The following PLEKHM2 variants were observed in gnomAD, a reference collection of about 807,000 sequenced individuals.
PLEKHM2 encodes pleckstrin homology and RUN domain containing M2.
In PLEKHM2, 77 loss-of-function variants were observed where a neutral mutation model predicts 116.3. The observed-to-expected ratio is 0.66, with a 90% CI of 0.55 to 0.80. The LOEUF is 0.80. Ranked by LOEUF, PLEKHM2 falls within the 30% of genes least tolerant of loss-of-function variation. The pLI is 0.00. For synonymous variants in PLEKHM2, 562 were observed against 571.0 expected (o/e 0.98, Z 0.22); for missense variants, 1,183 against 1,354.9 (o/e 0.87, Z 1.99).
intron 1 of PLEKHM2, among the ~76,000 whole-genome samples, chr1:15,695,126 C>T (rs1041983744): frequency 2.3e-4 from 35 of 152,166 alleles, no homozygotes; most frequent in Non-Finnish European, 5.9e-5. Flanking sequence ...TGCACAAATA[C>T]ATAAGGAAGA....
chr1:15,727,310 T>C lies in PLEKHM2; in HGVS notation c.1238T>C (p.Val413Ala), dbSNP rs2068077304. ...MERLGQPLSK[V>A]IDQLNGQLDP... ...CGCTTGGGGCAGCCCCTGAGCAAGGTTATCGACCAGCTCAACGGGCAGCTG... is the reference window on the plus strand; with the variant it reads ...CGCTTGGGGCAGCCCCTGAGCAAGGCTATCGACCAGCTCAACGGGCAGCTG... Residue 413 changes from valine to alanine, a missense_variant, in exon 9 of 20, where the codon GTT becomes GCT. By Grantham distance (64) the Val-to-Ala change is moderately conservative (BLOSUM62 0). Coordinates refer to ENST00000375799, the MANE Select transcript of PLEKHM2 (RefSeq NM_015164.4). The surrounding 1 kb of genome is among the most constrained non-coding windows in gnomAD (Gnocchi z 7.5). The C allele has an allele frequency of 6.2e-7, 1 of 1,603,086 alleles. No individual in the cohort carries two copies. Among genetic ancestry groups the C allele is most frequent in the Non-Finnish European group, 8.5e-7 (1 of 1,175,868 alleles).
chr1:15,709,182 G>A (rs1416753774), intron 1 of PLEKHM2, among the ~76,000 whole-genome samples: 1 of 152,176 alleles, frequency 6.6e-6, no homozygotes, highest in Non-Finnish European at 1.5e-5. Flanking sequence ...CCTAATTGTA[G>A]TGGGTATTAG....
At chr1:15,687,649 G>A (rs1380997424) in intron 1 of PLEKHM2, among the ~76,000 whole-genome samples, 2 of 152,178 alleles carry the variant, frequency 1.3e-5, no homozygotes, top group Non-Finnish European at 2.9e-5. Flanking sequence ...GTGTTTGTTT[G>A]AGACAACTGC....
intron 7 of PLEKHM2, 131 bp from the exon 8 acceptor site, chr1:15,725,186 G>A: frequency 4.6e-6 from 3 of 648,874 alleles, no homozygotes; most frequent in Non-Finnish European, 5.4e-6. Flanking sequence ...ACTCGAAATG[G>A]GGCCACCCCT....
chr1:15,683,806 C>G (rs540810368), upstream of PLEKHM2, among the ~76,000 whole-genome samples: 9 of 138,830 alleles, frequency 6.5e-5, no homozygotes, highest in African/African-American at 2.2e-4. Context: ...GGGGGAGGGT[C>G]TCCAGGGTCT....
chr1:15,687,330 T>C (rs1640794157), intron 1 of PLEKHM2, among the ~76,000 whole-genome samples: 2 of 151,760 alleles, frequency 1.3e-5, no homozygotes, highest in Admixed American at 1.3e-4. Context: ...CCCGCCACTA[T>C]GCCCGGCTAA....
intron 1 of PLEKHM2, among the ~76,000 whole-genome samples, chr1:15,700,838 G>A (rs1411478091): frequency 1.3e-5 from 2 of 152,216 alleles, no homozygotes; most frequent in East Asian, 3.8e-4. Flanking sequence ...TATTAGCTGG[G>A]CGCGGTGGCT....
upstream of PLEKHM2, chr1:15,683,206 AG>A: frequency 6.6e-6 from 1 of 151,378 alleles, no homozygotes; most frequent in Non-Finnish European, 1.5e-5. Flanking sequence ...GTGGAGGGCC[AG>A]GGGGCCCAGG....
chr1:15,728,397 G>C lies in PLEKHM2; in HGVS notation c.1921+40G>C. 1 of 1,557,278 alleles carries C rather than the reference G, an allele frequency of 6.4e-7. No homozygotes were observed. The highest frequency in any genetic ancestry group is 8.8e-7 in the Non-Finnish European group (1 of 1,135,426). ...CGGGCAGACAGCGGGTTGTAGACGA[G>C]GCTGACTCTCAGCCCCTTTTCCCCA... On this transcript the variant is annotated intron_variant, in intron 11 of 19. Transcript: ENST00000375799. This position sits in a 1 kb window ranked among gnomAD's most constrained non-coding sequence, Gnocchi z 5.9.
Position 15,728,850 on chromosome 1 carries a change from C to A in PLEKHM2, c.1986+117C>A. 2.1e-6 allele frequency: 2 copies of A among 965,872 alleles called. No individual in the cohort carries two copies. The highest frequency in any genetic ancestry group is 1.4e-5 in the South Asian group (1 of 69,306). The allele number at this position is 965,872 out of a possible 1,614,324, so 59.8% of individuals were successfully genotyped here. A position where few individuals can be genotyped will look rare whatever the true frequency, so the allele number is the denominator to read the frequency against. On this transcript the variant is annotated intron_variant, in intron 12 of 19. Coordinates refer to ENST00000375799, the MANE Select transcript of PLEKHM2 (RefSeq NM_015164.4). This position sits in a 1 kb window ranked among gnomAD's most constrained non-coding sequence, Gnocchi z 5.9. ...TTACTCCCCTCCCGGGGTTGGGCAC[C>A]AACTTAACTCTCAGAGAGGCTTCTG...
At chr1:15,724,239 T>C (rs183573088) in intron 7 of PLEKHM2, among the ~76,000 whole-genome samples, 5 of 151,954 alleles carry the variant, frequency 3.3e-5, no homozygotes, top group African/African-American at 9.6e-5. Context: ...AATCCCAGCA[T>C]TTTGGGAGGC....
In PLEKHM2 at chr1:15,729,292, C is replaced by T; in HGVS notation, c.2075+102C>T. 1.1e-6 allele frequency: 1 copy of T among 935,562 alleles called. No individual in the cohort carries two copies. Among genetic ancestry groups the T allele is most frequent in the Admixed American group, 2.0e-5 (1 of 49,896 alleles). The allele number at this position is 935,562 out of a possible 1,614,324, so 58.0% of individuals were successfully genotyped here. On this transcript the variant is annotated intron_variant, in intron 13 of 19. Coordinates refer to ENST00000375799, the MANE Select transcript of PLEKHM2 (RefSeq NM_015164.4). The surrounding 1 kb of genome is among the most constrained non-coding windows in gnomAD (Gnocchi z 4.7). ...GGGGTGGAGGTGGAAAGTGGGAGATCCAGGAGGGGAAACCAGATGTATTCC... is the reference window on the plus strand; with the variant it reads ...GGGGTGGAGGTGGAAAGTGGGAGATTCAGGAGGGGAAACCAGATGTATTCC...
At chr1:15,733,537 A>G (rs1557665081) in intron 19 of PLEKHM2, among the ~76,000 whole-genome samples, 1 of 152,172 alleles carries the variant, frequency 6.6e-6, no homozygotes, top group Admixed American at 6.5e-5. Flanking sequence ...AACAGAGTGC[A>G]GCGCCTGCCT....
Position 15,728,383 on chromosome 1 carries a change from C to T in PLEKHM2, c.1921+26C>T, listed in dbSNP as rs372951152. ...GTGCCCGCCGCCCCCGGGCAGACAG[C>T]GGGTTGTAGACGAGGCTGACTCTCA... is the stretch of plus-strand genomic sequence containing the variant. On this transcript the variant is annotated intron_variant, in intron 11 of 19. Transcript: ENST00000375799. This position sits in a 1 kb window ranked among gnomAD's most constrained non-coding sequence, Gnocchi z 5.9. 441 of 1,592,678 alleles carry T rather than the reference C, an allele frequency of 2.8e-4. No homozygotes were observed. Among genetic ancestry groups the T allele is most frequent in the Non-Finnish European group, 3.5e-4 (409 of 1,164,106 alleles).
At chr1:15,696,882 G>A (rs1177840267) in intron 1 of PLEKHM2, among the ~76,000 whole-genome samples, 7 of 152,144 alleles carry the variant, frequency 4.6e-5, no homozygotes, top group Non-Finnish European at 1.0e-4. Flanking sequence ...TTCTAGCCTT[G>A]TATTTACGTT....
intron 1 of PLEKHM2, among the ~76,000 whole-genome samples, chr1:15,704,647 A>AT (rs887038338): frequency 2.4e-4 from 36 of 152,226 alleles, no homozygotes; most frequent in Admixed American, 1.8e-3. Context: ...TCATTTGCTG[A>AT]TGCGGGATCC....
rs764894986 is a variant in PLEKHM2, at chr1:15,718,621, A to T, written c.461A>T (p.Asp154Val). The T allele has an allele frequency of 8.3e-6, 11 of 1,325,524 alleles. No homozygotes were observed. In the African/African-American group the frequency reaches 1.8e-4, roughly 22 times the overall value. 82.1% of individuals were successfully genotyped at this position (1,325,524 alleles called of 1,614,324 possible). ...SGLEFIRFEL[D>V]LDAPYLDLAP... ...CTAGAGTTCATTCGTTTCGAGCTGGATCTGGTGAGACACCAGGGCTCTCAC... is the reference window on the plus strand; with the variant it reads ...CTAGAGTTCATTCGTTTCGAGCTGGTTCTGGTGAGACACCAGGGCTCTCAC... The change falls in exon 5 of 20, where the codon GAT becomes GTT. Residue 154 changes from aspartate (D) to valine (V), a missense_variant. Physicochemically the swap from Asp to Val is radical, Grantham distance 152. This residue lies in a region of PLEKHM2 where 217 missense variants were observed against 277.6 expected (regional missense o/e 0.78). Transcript: ENST00000375799.
At chr1:15,699,963 C>T (rs1204352526) in intron 1 of PLEKHM2, among the ~76,000 whole-genome samples, 2 of 150,834 alleles carry the variant, frequency 1.3e-5, no homozygotes, top group Non-Finnish European at 2.9e-5. Flanking sequence ...TGCACTCCAG[C>T]TTGGGCAACA....
At chr1:15,683,771 G>T (rs1409189574), upstream of PLEKHM2, among the ~76,000 whole-genome samples, 24 of 147,880 alleles carry the variant, frequency 1.6e-4, no homozygotes, top group African/African-American at 6.0e-4. Flanking sequence ...AGGTCCCAGG[G>T]GGGAGTCTAT....
Sources: allele counts gnomAD v4.1 joint callset (sites outside exome capture counted in the v4.1 genomes callset), GRCh38; gene constraint gnomAD v4.1.1; regional missense constraint gnomAD v4.1.1; non-coding constraint Gnocchi (gnomAD v3.1); transcripts MANE v1.5; gene names NCBI Gene and HGNC (gene_info 2026-07-23, HGNC 2026-07-21).